The following CHLSN variants were observed in gnomAD, a reference collection of about 807,000 sequenced individuals.
CHLSN encodes protein cholesin.
At chr7:1,071,148 C>T in the CHLSN span, among the ~76,000 whole-genome samples, 2 of 152,244 alleles carry the variant, frequency 1.3e-5, no homozygotes, top group Non-Finnish European at 2.9e-5. Context: ...AGGCCCCGCA[C>T]GCGGCTGTTC....
the CHLSN span, chr7:1,022,828 T>TA: frequency 2.9e-5 from 9 of 313,870 alleles, no homozygotes; most frequent in African/African-American, 2.0e-4. Context: ...TCCATGTTGA[T>TA]ACCGAATAAA....
chr7:1,129,695 G>T, the CHLSN span, among the ~76,000 whole-genome samples: 1 of 152,258 alleles, frequency 6.6e-6, no homozygotes, highest in African/African-American at 2.4e-5. Flanking sequence ...CCTCCGCCTC[G>T]GCCTCCGCAA....
At chr7:982,057 A>G in the CHLSN span, among the ~76,000 whole-genome samples, 1 of 152,154 alleles carries the variant, frequency 6.6e-6, no homozygotes, top group Non-Finnish European at 1.5e-5. Flanking sequence ...ACAAAAATCA[A>G]AAGTATTCCC....
At chr7:1,002,240 CGGGTGAGTGGAGTCCTGT>C in the CHLSN span, among the ~76,000 whole-genome samples, 39 of 24,368 alleles carry the variant, frequency 1.6e-3, no homozygotes, top group African/African-American at 4.2e-3. Flanking sequence ...TGGAGTCCTG[CGGGTGAGTGGAGTCCTGT>C]GGGTGAGTGG....
At chr7:1,077,401 C>CGCCTCG in the CHLSN span, among the ~76,000 whole-genome samples, 9 of 152,336 alleles carry the variant, frequency 5.9e-5, no homozygotes, top group Middle Eastern at 3.4e-3. Flanking sequence ...GTGATCCGCC[C>CGCCTCG]GCCTCGGCCT....
chr7:1,009,909 C>A, the CHLSN span: 28 of 1,473,566 alleles, frequency 1.9e-5, no homozygotes, highest in East Asian at 6.7e-4. Flanking sequence ...GGGGTTGAGA[C>A]GCACGTCCGG....
At chr7:1,048,898 G>A in the CHLSN span, among the ~76,000 whole-genome samples, 2 of 152,220 alleles carry the variant, frequency 1.3e-5, no homozygotes, top group African/African-American at 4.8e-5. Context: ...TAGAGGCCAG[G>A]GAAGCAAGTG....
At chr7:986,220 G>A in the CHLSN span, among the ~76,000 whole-genome samples, 4 of 152,210 alleles carry the variant, frequency 2.6e-5, no homozygotes, top group Admixed American at 6.5e-5. Context: ...CGGAGCACCC[G>A]CTGGTGCCAG....
the CHLSN span, among the ~76,000 whole-genome samples, chr7:1,066,719 C>T: frequency 6.6e-6 from 1 of 152,236 alleles, no homozygotes; most frequent in Non-Finnish European, 1.5e-5. Context: ...GAGGCCGATG[C>T]CCATCCCTAA....
At chr7:1,104,665 G>A in the CHLSN span, among the ~76,000 whole-genome samples, 4 of 152,328 alleles carry the variant, frequency 2.6e-5, no homozygotes, top group Non-Finnish European at 4.4e-5. Context: ...GCGCCTGACA[G>A]CAGGAGACGT....
chr7:984,953 T>G, the CHLSN span: 8 of 1,598,470 alleles, frequency 5.0e-6, no homozygotes, highest in Admixed American at 8.4e-5. Context: ...CCTACAGGCA[T>G]CTTCTTCTCA....
chr7:1,048,302 G>A, the CHLSN span, among the ~76,000 whole-genome samples: 3 of 152,072 alleles, frequency 2.0e-5, no homozygotes, highest in East Asian at 5.8e-4. Context: ...AGAACTTCCC[G>A]ACTAACAGGG....
the CHLSN span, among the ~76,000 whole-genome samples, chr7:1,113,535 C>G: frequency 2.7e-4 from 41 of 152,304 alleles, no homozygotes; most frequent in African/African-American, 9.6e-4. Context: ...GATGGGTCAC[C>G]ACGCCCCACA....
chr7:984,632 G>T, the CHLSN span: 30 of 1,511,154 alleles, frequency 2.0e-5, no homozygotes, highest in Non-Finnish European at 2.6e-5. Flanking sequence ...TGGACCCCAG[G>T]AGGGGTGGGG....
the CHLSN span, among the ~76,000 whole-genome samples, chr7:1,053,773 G>A: frequency 6.6e-6 from 1 of 152,216 alleles, no homozygotes; most frequent in South Asian, 2.1e-4. Context: ...GTTGCAGTGA[G>A]CTGAGATCGT....
chr7:1,052,026 G>A, the CHLSN span, among the ~76,000 whole-genome samples: 1 of 152,250 alleles, frequency 6.6e-6, no homozygotes, highest in African/African-American at 2.4e-5. This position sits in a 1 kb window ranked among gnomAD's most constrained non-coding sequence, Gnocchi z 4.2. Flanking sequence ...TCCCATTTGT[G>A]ACATTAATGA....
At chr7:1,038,272 A>G in the CHLSN span, among the ~76,000 whole-genome samples, 2 of 74,738 alleles carry the variant, frequency 2.7e-5, no homozygotes, top group African/African-American at 4.8e-5. Context: ...TCAGCCCCCC[A>G]CCTGGCCAGC....
At chr7:1,033,012 C>T in the CHLSN span, among the ~76,000 whole-genome samples, 2 of 152,190 alleles carry the variant, frequency 1.3e-5, no homozygotes, top group East Asian at 1.9e-4. Flanking sequence ...ACCCAGGCCA[C>T]GGACAGTCTC....
chr7:1,090,675 G>A, the CHLSN span, among the ~76,000 whole-genome samples: 1 of 152,250 alleles, frequency 6.6e-6, no homozygotes, highest in African/African-American at 2.4e-5. Flanking sequence ...CGCCGTGGGC[G>A]GACAGCCCAC....
Sources: allele counts gnomAD v4.1 joint callset (sites outside exome capture counted in the v4.1 genomes callset), GRCh38; gene constraint gnomAD v4.1.1; non-coding constraint Gnocchi (gnomAD v3.1); transcripts MANE v1.5; gene names NCBI Gene and HGNC (gene_info 2026-07-23, HGNC 2026-07-21).